The following FARP1 variants were observed in gnomAD, a reference collection of about 807,000 sequenced individuals.
FARP1 encodes FERM, ARH/RhoGEF and pleckstrin domain protein 1, also known as FERM, ARHGEF and pleckstrin domain-containing protein 1.
Under a neutral mutation model 128.8 loss-of-function variants are expected in FARP1, and 52 were observed. The ratio of observed to expected loss-of-function variants is 0.40; its 90% CI spans 0.32 to 0.51. The LOEUF (loss-of-function observed/expected upper bound fraction) is 0.51. FARP1 is among the 20% of genes least tolerant of loss of function. The pLI is 0.45. For synonymous variants in FARP1, 580 were observed against 551.8 expected, an observed-to-expected ratio of 1.05 and a Z score of -0.72; for missense variants, 1,333 against 1,367.9, an observed-to-expected ratio of 0.97 and a Z score of 0.40.
intron 17 of FARP1, chr13:98,425,290 C>T (rs1462637301): frequency 6.6e-6 from 1 of 151,192 alleles, no homozygotes; most frequent in Non-Finnish European, 1.5e-5. Context: ...ATAACCATGA[C>T]AAAAATGTTG....
At chr13:98,195,077 C>T (rs1879487773) in intron 1 of FARP1, among the ~76,000 whole-genome samples, 1 of 152,136 alleles carries the variant, frequency 6.6e-6, no homozygotes, top group African/African-American at 2.4e-5. Context: ...TGCTTCAAGA[C>T]TGGCCCTTCT....
rs1349451618 is a variant in FARP1, at chr13:98,373,533, G to GACAGACAGACACACACAC, written c.399-4285_399-4284insGACAGACACACACACACA. Among the ~76,000 whole-genome samples the GACAGACAGACACACACAC allele has an allele frequency of 3.3e-3, 430 of 131,050 alleles. 4 individuals carry two copies. The highest frequency in any genetic ancestry group is 0.012 in the African/African-American group (408 of 33,908). 86.0% of individuals were successfully genotyped at this position (131,050 alleles called of 152,430 possible). ...TTGACTTTCCAGAGACAGACAGACA[G>GACAGACAGACACACACAC]ACACACACACACACACACACACACA... is the stretch of plus-strand genomic sequence containing the variant. On this transcript the variant is annotated intron_variant, in intron 5 of 26. Transcript: ENST00000319562.
intron 1 of FARP1, among the ~76,000 whole-genome samples, chr13:98,202,183 G>T (rs1354813790): frequency 1.3e-5 from 2 of 152,216 alleles, no homozygotes; most frequent in Non-Finnish European, 2.9e-5. Context: ...CTCCTGGCGT[G>T]TGGCTCCCCC....
At chr13:98,358,881 C>T (rs949304964) in intron 3 of FARP1, among the ~76,000 whole-genome samples, 1 of 152,154 alleles carries the variant, frequency 6.6e-6, no homozygotes, top group African/African-American at 2.4e-5. Context: ...TTGTGATTCG[C>T]CTGCCTCAGC....
At chr13:98,204,316 C>T (rs1165112683) in intron 1 of FARP1, 8 of 152,142 alleles carry the variant, frequency 5.3e-5, no homozygotes, top group Admixed American at 3.3e-4. Flanking sequence ...TGATGTTGAA[C>T]ATCTTTTCAT....
chr13:98,302,720 C>T (rs1281004636), intron 2 of FARP1, among the ~76,000 whole-genome samples: 2 of 152,204 alleles, frequency 1.3e-5, no homozygotes, highest in Admixed American at 1.3e-4. Context: ...ATGCATTTCT[C>T]CTTGCTGAGA....
intron 1 of FARP1, among the ~76,000 whole-genome samples, chr13:98,149,110 A>T (rs1875785163): frequency 6.6e-6 from 1 of 151,802 alleles, no homozygotes; most frequent in African/African-American, 2.4e-5. Context: ...CTAGTCTTGA[A>T]CTGCTGGGCT....
At chr13:98,431,420 C>A (rs1355650687) in intron 18 of FARP1, 140 bp downstream of exon 18, 2 of 564,454 alleles carry the variant, frequency 3.5e-6, no homozygotes, top group South Asian at 2.3e-5. Flanking sequence ...TCAGGGTGGG[C>A]GCCGGTTTTT....
rs1238319623 is a variant in FARP1 at position 98,450,088 on chromosome 13, G to A, written c.*1771G>A. 6.6e-6 allele frequency: 1 copy of A among 152,266 alleles called. No homozygotes were observed. The highest frequency in any genetic ancestry group is 1.5e-5 in the Non-Finnish European group (1 of 68,056). The allele number at this position is 152,266 out of a possible 1,614,324, so 9.4% of individuals were successfully genotyped here. Reference sequence around the variant, plus strand: ...TGCTGGACACTGGTGGTTCTGACCTGTGACCAGCACCTCTGCTTCCTGTGT... The same window carrying A: ...TGCTGGACACTGGTGGTTCTGACCTATGACCAGCACCTCTGCTTCCTGTGT... On this transcript the variant is annotated 3_prime_UTR_variant, in exon 27 of 27. Transcript: ENST00000319562.
rs766582910 is a variant in FARP1, at chr13:98,446,089, G to A, written c.2797-9G>A. On this transcript the variant is annotated splice_polypyrimidine_tract_variant and intron_variant, in intron 24 of 26. Transcript: ENST00000319562. ...CGCTGTGCTTCTCACAGGCCTCCTT[G>A]CCTTTCAGAATCAGTTGTCTGGAAA... 1.1e-4 allele frequency: 184 copies of A among 1,603,880 alleles called. 3 individuals are homozygous for A. In the South Asian group the frequency reaches 2.0e-3, roughly 17 times the overall value.
At chr13:98,248,467 A>G (rs899633055) in intron 2 of FARP1, among the ~76,000 whole-genome samples, 1 of 152,182 alleles carries the variant, frequency 6.6e-6, no homozygotes, top group Non-Finnish European at 1.5e-5. Context: ...AGGAAACAAA[A>G]TGTCTCATGT....
chr13:98,268,005 G>A (rs759448845), intron 2 of FARP1, among the ~76,000 whole-genome samples: 5 of 152,160 alleles, frequency 3.3e-5, no homozygotes, highest in African/African-American at 4.8e-5. Context: ...ATTTGCAAGG[G>A]CTCAGTTGGG....
At chr13:98,186,853 G>T (rs767909543) in intron 1 of FARP1, among the ~76,000 whole-genome samples, 1 of 151,814 alleles carries the variant, frequency 6.6e-6, no homozygotes, top group Non-Finnish European at 1.5e-5. Context: ...TTAGCTGGGC[G>T]TGGTGGCATG....
At chr13:98,316,056 C>T (rs745710030) in intron 2 of FARP1, among the ~76,000 whole-genome samples, 19 of 152,254 alleles carry the variant, frequency 1.2e-4, no homozygotes, top group Admixed American at 2.0e-4. Flanking sequence ...TCACATGAGA[C>T]GGTTTCGGCT....
At chr13:98,349,869 A>G (rs1888342499) in intron 3 of FARP1, among the ~76,000 whole-genome samples, 1 of 152,012 alleles carries the variant, frequency 6.6e-6, no homozygotes, top group African/African-American at 2.4e-5. Flanking sequence ...AGGTCATGGA[A>G]ACTGCAGTTC....
chr13:98,274,109 A>C (rs1209175733), intron 2 of FARP1, among the ~76,000 whole-genome samples: 1 of 152,166 alleles, frequency 6.6e-6, no homozygotes, highest in Non-Finnish European at 1.5e-5. Flanking sequence ...TTGCTTTTTT[A>C]ATCTAGGATT....
chr13:98,443,442 G>A (rs1434764086), intron 24 of FARP1, among the ~76,000 whole-genome samples: 4 of 152,304 alleles, frequency 2.6e-5, no homozygotes, highest in South Asian at 2.1e-4. Flanking sequence ...CCAAATGCTC[G>A]CTGACTCGCA....
intron 3 of FARP1, among the ~76,000 whole-genome samples, chr13:98,358,643 CTTTTTCTT>C (rs1484399561): frequency 6.6e-6 from 1 of 151,854 alleles, no homozygotes; most frequent in Non-Finnish European, 1.5e-5. Flanking sequence ...TTGTTTCTTT[CTTTTTCTT>C]TTTTTCTTTT....
At chr13:98,243,240 GT>G (rs1251481094) in intron 2 of FARP1, among the ~76,000 whole-genome samples, 1 of 152,122 alleles carries the variant, frequency 6.6e-6, no homozygotes, top group Admixed American at 6.6e-5. Context: ...GTTTTGAACT[GT>G]TAATTTGTTC....
Sources: allele counts gnomAD v4.1 joint callset (sites outside exome capture counted in the v4.1 genomes callset), GRCh38; gene constraint gnomAD v4.1.1; transcripts MANE v1.5; gene names NCBI Gene and HGNC (gene_info 2026-07-23, HGNC 2026-07-21).